PDLIM5: variants seen among roughly 807,000 people sequenced by gnomAD.
PDLIM5 encodes PDZ and LIM domain protein 5.
PDLIM5 carries 34 observed loss-of-function variants against 64.2 expected under a neutral mutation model. The observed-to-expected ratio is 0.53, with a 90% CI of 0.40 to 0.71. The LOEUF (loss-of-function observed/expected upper bound fraction) is 0.71, where lower values mean the gene tolerates loss of function less well. Among genes scored for constraint, PDLIM5 ranks in the 30% least tolerant of loss-of-function variants. The pLI is 0.00. For missense variants in PDLIM5, 683 were observed against 733.6 expected, an observed-to-expected ratio of 0.93 and a Z score of 0.80; for synonymous variants, 253 against 269.1, an observed-to-expected ratio of 0.94 and a Z score of 0.59.
chr4:94,492,398 G>A (rs890297954), intron 2 of PDLIM5, among the ~76,000 whole-genome samples: 5 of 151,924 alleles, frequency 3.3e-5, no homozygotes, highest in Admixed American at 2.0e-4. Context: ...TAAAATTTAG[G>A]TGAAGTTTAC....
At chr4:94,552,557 C>T (rs1222584424) in intron 3 of PDLIM5, among the ~76,000 whole-genome samples, 1 of 151,988 alleles carries the variant, frequency 6.6e-6, no homozygotes, top group Non-Finnish European at 1.5e-5. Flanking sequence ...AAATTAATTT[C>T]TGATTACGCA....
intron 2 of PDLIM5, chr4:94,456,960 ATGCTG>A (rs1723428939): frequency 1.0e-6 from 1 of 991,336 alleles, no homozygotes. Context: ...TCCAACAGTT[ATGCTG>A]TGCTGCCTCT....
chr4:94,665,481 TAAAAAAAAAAA>T lies in PDLIM5; in HGVS notation c.*1429_*1439del, dbSNP rs10706955. On this transcript the variant is annotated 3_prime_UTR_variant, in exon 13 of 13. Transcript: ENST00000317968. Reference sequence around the variant, plus strand: ...GGTGACAGAGCAAGACTCCGGCTCTTAAAAAAAAAAAAAAAAAAAAAAAAAGAGAGAGAGAG... The same window carrying T: ...GGTGACAGAGCAAGACTCCGGCTCTTAAAAAAAAAAAAAAGAGAGAGAGAG... 219 of 449,412 alleles carry T rather than the reference TAAAAAAAAAAA, an allele frequency of 4.9e-4. No homozygotes were observed. The highest frequency in any genetic ancestry group is 1.1e-3 in the Middle Eastern group (1 of 948). The allele number at this position is 449,412 out of a possible 1,614,324, so 27.8% of individuals were successfully genotyped here.
At chr4:94,542,622 A>G (rs1216937109) in intron 3 of PDLIM5, among the ~76,000 whole-genome samples, 1 of 152,190 alleles carries the variant, frequency 6.6e-6, no homozygotes, top group Non-Finnish European at 1.5e-5. Flanking sequence ...GTTGTGCTTC[A>G]ATAGTGTATA....
intron 3 of PDLIM5, among the ~76,000 whole-genome samples, chr4:94,560,448 T>C (rs1472576621): frequency 6.6e-6 from 1 of 152,200 alleles, no homozygotes; most frequent in Non-Finnish European, 1.5e-5. Flanking sequence ...ATAACTGACA[T>C]TTTCTGGAAT....
intron 2 of PDLIM5, among the ~76,000 whole-genome samples, chr4:94,459,285 A>G (rs1365291307): frequency 6.6e-6 from 1 of 152,218 alleles, no homozygotes; most frequent in African/African-American, 2.4e-5. Context: ...GATTACCTGA[A>G]GATGATATCC....
intron 2 of PDLIM5, among the ~76,000 whole-genome samples, chr4:94,471,006 C>T (rs1324441473): frequency 6.6e-6 from 1 of 152,050 alleles, no homozygotes; most frequent in Non-Finnish European, 1.5e-5. Flanking sequence ...GGGGAACTCC[C>T]CTTTATAAAC....
intron 5 of PDLIM5, among the ~76,000 whole-genome samples, chr4:94,578,972 G>A (rs772568704): frequency 1.3e-5 from 2 of 151,936 alleles, no homozygotes; most frequent in East Asian, 1.9e-4. Flanking sequence ...GCTATTCCAC[G>A]CAAATTTATA....
At chr4:94,634,309 G>A (rs1181660208) in intron 8 of PDLIM5, among the ~76,000 whole-genome samples, 1 of 152,138 alleles carries the variant, frequency 6.6e-6, no homozygotes, top group Non-Finnish European at 1.5e-5. Flanking sequence ...GTACTATGGA[G>A]GTGGTGAGAC....
At chr4:94,565,102 C>G (rs530675977) in intron 3 of PDLIM5, among the ~76,000 whole-genome samples, 1 of 152,228 alleles carries the variant, frequency 6.6e-6, no homozygotes, top group East Asian at 1.9e-4. Flanking sequence ...TGCCCTTGAA[C>G]TTGAAGTGAT....
intron 2 of PDLIM5, among the ~76,000 whole-genome samples, chr4:94,492,518 G>A (rs1373379515): frequency 6.6e-6 from 1 of 152,056 alleles, no homozygotes; most frequent in East Asian, 1.9e-4. Flanking sequence ...TACTCCAAGA[G>A]GAAACTTGGT....
At chr4:94,577,206 A>T in intron 5 of PDLIM5, 1 of 457,278 alleles carries the variant, frequency 2.2e-6, no homozygotes, top group Non-Finnish European at 4.4e-6. Flanking sequence ...GTTTTTACCA[A>T]TGCCAGTTCC....
At chr4:94,534,356 T>A (rs890566917) in intron 3 of PDLIM5, among the ~76,000 whole-genome samples, 2 of 152,220 alleles carry the variant, frequency 1.3e-5, no homozygotes, top group African/African-American at 4.8e-5. Context: ...AAACCCTTCC[T>A]CAGGACTACC....
intron 5 of PDLIM5, among the ~76,000 whole-genome samples, chr4:94,583,551 A>G (rs1735914033): frequency 6.6e-6 from 1 of 152,184 alleles, no homozygotes; most frequent in Non-Finnish European, 1.5e-5. Flanking sequence ...ATGGCTGCCA[A>G]AGGCAGTGTG....
chr4:94,665,254 C>G lies in PDLIM5; in HGVS notation c.*1187C>G, dbSNP rs1134984. 0.24 allele frequency: 101,604 copies of G among 426,334 alleles called. 12,828 individuals are homozygous for G. Among genetic ancestry groups the G allele is most frequent in the African/African-American group, 0.33 (15,276 of 46,476 alleles). The allele number at this position is 426,334 out of a possible 1,614,324, so 26.4% of individuals were successfully genotyped here. A position where few individuals can be genotyped will look rare whatever the true frequency, so the allele number is the denominator to read the frequency against. ...ATCCCAGCACTTTGGGAGGCCAAGA[C>G]GGGCGGATCATGAGGTCAAGAGATC... On this transcript the variant is annotated 3_prime_UTR_variant, in exon 13 of 13. Coordinates refer to ENST00000317968, the MANE Select transcript of PDLIM5 (RefSeq NM_006457.5).
At chr4:94,503,114 G>C (rs1728080917) in intron 2 of PDLIM5, among the ~76,000 whole-genome samples, 1 of 152,064 alleles carries the variant, frequency 6.6e-6, no homozygotes, top group Non-Finnish European at 1.5e-5. Context: ...AGAGATATAG[G>C]ATATGTTGGG....
chr4:94,587,254 T>G, intron 7 of PDLIM5: 1 of 1,400,970 alleles, frequency 7.1e-7, no homozygotes, highest in Non-Finnish European at 9.2e-7. Flanking sequence ...ACATGTTTTG[T>G]GCTAGTTGGT....
intron 7 of PDLIM5, among the ~76,000 whole-genome samples, chr4:94,604,168 G>A (rs964705400): frequency 8.5e-5 from 13 of 152,200 alleles, no homozygotes; most frequent in Non-Finnish European, 1.5e-5. Context: ...CTAAAAACAG[G>A]CAGGTAAATA....
chr4:94,569,599 A>G (rs1734633348), intron 3 of PDLIM5, among the ~76,000 whole-genome samples: 1 of 152,186 alleles, frequency 6.6e-6, no homozygotes, highest in Non-Finnish European at 1.5e-5. Flanking sequence ...GATTGATTAC[A>G]GGCACAAGCC....
Sources: allele counts gnomAD v4.1 joint callset (sites outside exome capture counted in the v4.1 genomes callset), GRCh38; gene constraint gnomAD v4.1.1; transcripts MANE v1.5; gene names NCBI Gene and HGNC (gene_info 2026-07-23, HGNC 2026-07-21).